EYA3: variants seen among roughly 807,000 people sequenced by gnomAD.
The protein encoded by EYA3 is EYA transcriptional coactivator and phosphatase 3.
EYA3 carries 39 observed loss-of-function variants against 80.0 expected under a neutral mutation model. That is an observed-to-expected ratio of 0.49 (90% CI 0.38 to 0.64). EYA3 has a LOEUF of 0.64. Among genes scored for constraint, EYA3 ranks in the 30% least tolerant of loss-of-function variants. The probability of loss-of-function intolerance (pLI) is 0.00; values close to 1 mark genes in which losing one functional copy is unlikely to be tolerated. For missense variants in EYA3, 523 were observed against 676.1 expected, an observed-to-expected ratio of 0.77 and a Z score of 2.51; for synonymous variants, 206 against 232.8, an observed-to-expected ratio of 0.88 and a Z score of 1.05.
intron 1 of EYA3, among the ~76,000 whole-genome samples, chr1:28,076,500 C>T (rs752212471): frequency 4.6e-5 from 7 of 151,680 alleles, no homozygotes; most frequent in Non-Finnish European, 1.5e-5. Context: ...TACTTGAGGT[C>T]AGGAGTTCAA....
At chr1:28,040,930 G>A (rs1305451267) in intron 4 of EYA3, among the ~76,000 whole-genome samples, 2 of 152,288 alleles carry the variant, frequency 1.3e-5, no homozygotes, top group African/African-American at 4.8e-5. Flanking sequence ...GGATAAAAAG[G>A]GAAGACCGTG....
chr1:28,042,541 G>C (rs769888011), intron 4 of EYA3, 30 bp downstream of exon 4: 4 of 1,586,276 alleles, frequency 2.5e-6, no homozygotes, highest in South Asian at 2.2e-5. Context: ...AGGAATATCT[G>C]TTCAATCATG....
chr1:28,084,605 T>A (rs1394951586), intron 1 of EYA3, among the ~76,000 whole-genome samples: 44 of 65,662 alleles, frequency 6.7e-4, no homozygotes, highest in South Asian at 2.4e-3. Flanking sequence ...ATTTTTTTTT[T>A]TTTTTTTTTT....
intron 12 of EYA3, chr1:27,998,209 T>C: frequency 1.9e-6 from 1 of 538,274 alleles, no homozygotes; most frequent in Non-Finnish European, 2.4e-6. Flanking sequence ...TTTCTGAGAG[T>C]GAAGTCCTAG....
intron 8 of EYA3, 23 bp downstream of exon 8, chr1:28,017,131 G>A (rs1227676817): frequency 6.3e-7 from 1 of 1,588,864 alleles, no homozygotes; most frequent in Non-Finnish European, 8.6e-7. Context: ...TATCAAACAG[G>A]ATGAACAAAG....
intron 7 of EYA3, among the ~76,000 whole-genome samples, chr1:28,022,339 AG>A (rs1311315230): frequency 1.3e-5 from 2 of 151,800 alleles, no homozygotes; most frequent in Admixed American, 6.6e-5. Flanking sequence ...TAGTAGAGAC[AG>A]GATTTCACCA....
chr1:27,983,194 A>C (rs1041507207), intron 16 of EYA3, among the ~76,000 whole-genome samples: 21 of 152,220 alleles, frequency 1.4e-4, no homozygotes, highest in African/African-American at 5.1e-4. Flanking sequence ...GAAAGCAGCT[A>C]TATAAATAAG....
chr1:28,019,621 T>C (rs531131809), intron 7 of EYA3, among the ~76,000 whole-genome samples: 117 of 152,202 alleles, frequency 7.7e-4, no homozygotes, highest in Non-Finnish European at 1.5e-3. Context: ...CATTTTTAGT[T>C]CAGTTTTCTT....
intron 2 of EYA3, among the ~76,000 whole-genome samples, chr1:28,054,886 T>G (rs987295848): frequency 2.0e-5 from 3 of 152,084 alleles, no homozygotes; most frequent in Non-Finnish European, 4.4e-5. Flanking sequence ...CTACTTGGTT[T>G]GTTTGTTTGT....
intron 2 of EYA3, among the ~76,000 whole-genome samples, chr1:28,048,867 G>T (rs112810859): frequency 6.6e-6 from 1 of 152,014 alleles, no homozygotes; most frequent in Admixed American, 6.5e-5. Context: ...ATTCTTATCA[G>T]GTTACCAGTA....
At chr1:28,041,562 A>T (rs1418746771) in intron 4 of EYA3, among the ~76,000 whole-genome samples, 1 of 65,958 alleles carries the variant, frequency 1.5e-5, no homozygotes, top group African/African-American at 6.3e-5. Flanking sequence ...CAAAAAACAT[A>T]AAAAAAAAAA....
At chr1:28,088,150 G>C (rs539219852) in intron 1 of EYA3, among the ~76,000 whole-genome samples, 3 of 152,160 alleles carry the variant, frequency 2.0e-5, no homozygotes, top group Admixed American at 1.3e-4. Flanking sequence ...CTCGCTAGGT[G>C]AAAGAACGCT....
intron 17 of EYA3, chr1:27,977,485 A>G (rs2148699393): frequency 8.3e-7 from 1 of 1,210,550 alleles, no homozygotes. Flanking sequence ...TCAAATTCAC[A>G]TAGCTGAGAC....
At chr1:28,053,779 T>C (rs918632984) in intron 2 of EYA3, among the ~76,000 whole-genome samples, 2 of 152,194 alleles carry the variant, frequency 1.3e-5, no homozygotes, top group African/African-American at 4.8e-5. Context: ...GTTATTACCA[T>C]AGACAGCAAG....
chr1:28,027,629 T>C (rs2148826282), intron 7 of EYA3, among the ~76,000 whole-genome samples, 160 bp downstream of exon 7: 1 of 152,306 alleles, frequency 6.6e-6, no homozygotes, highest in Non-Finnish European at 1.5e-5. Context: ...GTGGTTTGCC[T>C]AACACAAAAA....
At position 27,974,257 on chromosome 1, in the gene EYA3, GAC is replaced by G. The variant is rs1638829458; in HGVS notation, c.*207_*208del. The G allele has an allele frequency of 7.9e-6, 3 of 378,818 alleles. No homozygotes were observed. Among genetic ancestry groups the G allele is most frequent in the East Asian group, 4.5e-5 (1 of 22,262 alleles). The allele number at this position is 378,818 out of a possible 1,614,324, so 23.5% of individuals were successfully genotyped here. The stretch of plus-strand genomic sequence containing the variant: ...TTCTCGCCAGCATTCCATGGATAAA[GAC>G]AGAGAGAGAGAGAGAGAGAGAGGCA... On this transcript the variant is annotated 3_prime_UTR_variant, in exon 18 of 18. Coordinates refer to ENST00000373871, the MANE Select transcript of EYA3 (RefSeq NM_001990.4).
At chr1:28,007,127 T>G (rs916563603) in intron 10 of EYA3, among the ~76,000 whole-genome samples, 9 of 151,408 alleles carry the variant, frequency 5.9e-5, no homozygotes, top group African/African-American at 1.9e-4. Context: ...ATTTTTGTAC[T>G]TTCAGTAGAG....
At chr1:28,001,187 AAT>A (rs2148758226) in intron 11 of EYA3, among the ~76,000 whole-genome samples, 1 of 148,674 alleles carries the variant, frequency 6.7e-6, no homozygotes, top group East Asian at 1.9e-4. Flanking sequence ...TCACTATGTA[AAT>A]ATATTCACAT....
At chr1:27,977,072 C>T (rs1638967562) in intron 17 of EYA3, 1 of 985,216 alleles carries the variant, frequency 1.0e-6, no homozygotes, top group South Asian at 4.7e-5. Flanking sequence ...GAGTTACCAA[C>T]TCTGCTGATG....
Sources: allele counts gnomAD v4.1 joint callset (sites outside exome capture counted in the v4.1 genomes callset), GRCh38; gene constraint gnomAD v4.1.1; transcripts MANE v1.5; gene names NCBI Gene and HGNC (gene_info 2026-07-23, HGNC 2026-07-21).